DACT1: variants seen among roughly 807,000 people sequenced by gnomAD.
DACT1 encodes the protein dapper homolog 1.
DACT1 carries 19 observed loss-of-function variants against 35.3 expected under a neutral mutation model. The observed-to-expected ratio is 0.54, with a 90% CI of 0.38 to 0.79. The LOEUF is 0.79. DACT1 is among the 30% of genes least tolerant of loss of function. The pLI is 0.00. For synonymous variants in DACT1, 545 were observed against 466.7 expected (o/e 1.17, Z -2.16); for missense variants, 1,143 against 1,057.5 (o/e 1.08, Z -1.12).
At chr14:58,644,961 TATATC>T (rs1207287662) in intron 3 of DACT1, among the ~76,000 whole-genome samples, 3 of 152,220 alleles carry the variant, frequency 2.0e-5, no homozygotes, top group Non-Finnish European at 4.4e-5. Flanking sequence ...ATTCTAGTAT[TATATC>T]ATGATTTTCA....
At position 58,646,488 on chromosome 14, in the gene DACT1, A is replaced by T. The variant is rs753585599; in HGVS notation, c.1754A>T (p.Lys585Met). The T allele has an allele frequency of 1.9e-6, 3 of 1,563,060 alleles. No individual in the cohort carries two copies. In the South Asian group the frequency reaches 3.6e-5, roughly 19 times the overall value. The change falls in exon 4 of 4, where the codon AAG becomes ATG. Residue 585 changes from lysine to methionine, a missense_variant. Transcript: ENST00000395153. The stretch of plus-strand genomic sequence containing the variant: ...TTCCCAGATGACTTGGATACAAATA[A>T]GAAACTCAAGAAAGCCTCCTCCAAG... ...CRFPDDLDTN[K>M]KLKKASSKGR...
Position 58,640,785 on chromosome 14 carries a change from T to C in DACT1, c.395T>C (p.Leu132Pro), listed in dbSNP as rs2047619360. Reference sequence around the variant, plus strand: ...GGTTTGTTGAATCAGTTGCAAGAGCTTGACAAGCAGATAAGTGACCTGAGA... The same window carrying C: ...GGTTTGTTGAATCAGTTGCAAGAGCCTGACAAGCAGATAAGTGACCTGAGA... ...DAGLLNQLQE[L>P]DKQISDLRLD... Residue 132 changes from leucine (L) to proline (P), a missense_variant, in exon 2 of 4, where the codon CTT (leucine) becomes CCT (proline). By Grantham distance (98) the Leu-to-Pro change is moderately conservative. Around this residue, in one of 3 missense-constraint regions of DACT1, gnomAD observed 1,054 missense variants for 958.8 expected, o/e 1.10. Coordinates refer to ENST00000395153, the MANE Select transcript of DACT1 (RefSeq NM_001079520.2). 4 of 1,614,024 alleles carry C rather than the reference T, an allele frequency of 2.5e-6. 1 individual carries two copies. The highest frequency in any genetic ancestry group is 2.7e-5 in the African/African-American group (2 of 74,920).
upstream of DACT1, among the ~76,000 whole-genome samples, chr14:58,637,733 A>G (rs891395478): frequency 1.0e-4 from 15 of 150,254 alleles, no homozygotes; most frequent in Admixed American, 5.3e-4. Context: ...TAAACCCGAA[A>G]AGGGGGCGAG....
chr14:58,635,801 C>T (rs890360833), upstream of DACT1, among the ~76,000 whole-genome samples: 11 of 152,024 alleles, frequency 7.2e-5, 1 homozygote, highest in Admixed American at 6.6e-4. Context: ...CTCAACTATA[C>T]AAATATAGTT....
chr14:58,634,154 C>T (rs577695076), upstream of DACT1: 2 of 152,216 alleles, frequency 1.3e-5, no homozygotes, highest in Non-Finnish European at 2.9e-5. Context: ...TCAACAAAAA[C>T]CTCTTTAACA....
chr14:58,639,049 A>AG (rs1283476425), intron 1 of DACT1: 1 of 985,148 alleles, frequency 1.0e-6, no homozygotes, highest in Non-Finnish European at 1.2e-6. Flanking sequence ...GAGCGCCTGT[A>AG]GGGAGCCGTG....
At chr14:58,635,656 ATGAGCCAGC>A (rs1044367309), upstream of DACT1, among the ~76,000 whole-genome samples, 5 of 131,978 alleles carry the variant, frequency 3.8e-5, no homozygotes, top group African/African-American at 1.4e-4. Context: ...CTTTGGACTA[ATGAGCCAGC>A]TCAAAGTGGC....
chr14:58,646,706 C>T lies in DACT1; in HGVS notation c.1972C>T (p.Arg658Trp), dbSNP rs1566511246. The change falls in exon 4 of 4, where the codon CGG (arginine) becomes TGG (tryptophan). Residue 658 changes from arginine to tryptophan, a missense_variant. This residue lies in a region of DACT1 where 1,054 missense variants were observed against 958.8 expected (regional missense o/e 1.10). Transcript: ENST00000395153. Reference sequence around the variant, plus strand: ...CTACGAAGAGGCCCTGAGGAGGGCCCGGCGCGGTCGCCGGGAGAATGTGGG... The same window carrying T: ...CTACGAAGAGGCCCTGAGGAGGGCCTGGCGCGGTCGCCGGGAGAATGTGGG... The part of the protein sequence containing the change: ...ISYEEALRRA[R>W]RGRRENVGLY... The T allele has an allele frequency of 2.5e-6, 4 of 1,613,162 alleles. No individual in the cohort carries two copies. The highest frequency in any genetic ancestry group is 3.4e-6 in the Non-Finnish European group (4 of 1,179,918).
chr14:58,647,334 G>A lies in DACT1; in HGVS notation c.*200G>A. ...ATGGAAGGTAAAGAATGTTTTGCTA[G>A]TTAGAAGTACATATTGAGGTTTTAA... On this transcript the variant is annotated 3_prime_UTR_variant, in exon 4 of 4. Coordinates refer to ENST00000395153, the MANE Select transcript of DACT1 (RefSeq NM_001079520.2). The A allele has an allele frequency of 4.6e-6, 3 of 653,684 alleles. No individual in the cohort carries two copies. The South Asian group carries it at 6.5e-5, about 14-fold the overall frequency. 40.5% of individuals were successfully genotyped at this position (653,684 alleles called of 1,614,324 possible).
chr14:58,635,786 TC>T (rs1349013867), upstream of DACT1, among the ~76,000 whole-genome samples: 6 of 152,190 alleles, frequency 3.9e-5, no homozygotes, highest in East Asian at 9.7e-4. Context: ...CAGCTTTTTT[TC>T]CCCCTCAACT....
chr14:58,639,548 CTATTA>C (rs570599348), intron 1 of DACT1, among the ~76,000 whole-genome samples: 110 of 152,252 alleles, frequency 7.2e-4, no homozygotes, highest in African/African-American at 2.4e-3. Flanking sequence ...GTGTTTTCTT[CTATTA>C]TCTCTTTTCA....
At position 58,639,321 on chromosome 14, in the gene DACT1, T is replaced by C. The variant is rs180883501; in HGVS notation, c.345+774T>C. Reference sequence around the variant, plus strand: ...TCTCAGTCTTTCTATGCAGTCTTCATTAATGGGGAAGAAAAAGAACTTTGT... The same window carrying C: ...TCTCAGTCTTTCTATGCAGTCTTCACTAATGGGGAAGAAAAAGAACTTTGT... On this transcript the variant is annotated intron_variant, in intron 1 of 3. Transcript: ENST00000395153. The C allele has an allele frequency of 3.2e-6, 3 of 951,264 alleles. No homozygotes were observed. The Admixed American group carries it at 1.8e-4, about 59-fold the overall frequency. The allele number at this position is 951,264 out of a possible 1,614,324, so 58.9% of individuals were successfully genotyped here.
At chr14:58,634,469 C>T (rs551725748), upstream of DACT1, among the ~76,000 whole-genome samples, 2 of 152,292 alleles carry the variant, frequency 1.3e-5, no homozygotes, top group Non-Finnish European at 2.9e-5. Context: ...TGGGGTCAAG[C>T]TATAATTAGT....
Position 58,640,634 on chromosome 14 carries a change from T to G in DACT1, c.346-102T>G, listed in dbSNP as rs1421204403. Reference sequence around the variant, plus strand: ...CCAGTAAAATTTTGGTTTTCTAAGTTTAGTGAACTCTTCAGATGGGTAATT... The same window carrying G: ...CCAGTAAAATTTTGGTTTTCTAAGTGTAGTGAACTCTTCAGATGGGTAATT... On this transcript the variant is annotated intron_variant, in intron 1 of 3. Coordinates refer to ENST00000395153, the MANE Select transcript of DACT1 (RefSeq NM_001079520.2). 45 of 1,433,138 alleles carry G rather than the reference T, an allele frequency of 3.1e-5. No homozygotes were observed. In the Admixed American group the frequency reaches 1.0e-3, roughly 32 times the overall value. The allele number at this position is 1,433,138 out of a possible 1,614,324, so 88.8% of individuals were successfully genotyped here. A position where few individuals can be genotyped will look rare whatever the true frequency, so the allele number is the denominator to read the frequency against.
Position 58,641,602 on chromosome 14 carries a change from G to A in DACT1, c.489G>A (p.Glu163=). 1 of 1,613,668 alleles carries A rather than the reference G, an allele frequency of 6.2e-7. No individual in the cohort carries two copies. The highest frequency in any genetic ancestry group is 8.5e-7 in the Non-Finnish European group (1 of 1,179,848). ...TGTTTTTATTTGTAGGGTTTTATGAGCTGAGTGATGGGGCTTCAGGATCCC... is the reference window on the plus strand; with the variant it reads ...TGTTTTTATTTGTAGGGTTTTATGAACTGAGTGATGGGGCTTCAGGATCCC... The part of the protein sequence containing the change: ...TDSRPSSGFY[E]LSDGASGSLS... The change falls in exon 3 of 4, where the codon GAG becomes GAA. Residue 163 remains glutamate (E), a synonymous_variant. Coordinates refer to ENST00000395153, the MANE Select transcript of DACT1 (RefSeq NM_001079520.2).
At chr14:58,641,853 A>G in intron 3 of DACT1, 106 bp downstream of exon 3, 1 of 1,143,704 alleles carries the variant, frequency 8.7e-7, no homozygotes, top group Non-Finnish European at 1.2e-6. Context: ...ATGAAGGTTC[A>G]TCACTTTGCG....
upstream of DACT1, among the ~76,000 whole-genome samples, chr14:58,636,214 G>A (rs2047571505): frequency 6.6e-6 from 1 of 152,142 alleles, no homozygotes; most frequent in Non-Finnish European, 1.5e-5. Flanking sequence ...GGTGGCAAGG[G>A]AGTTCTTTTG....
rs775528228 is a variant in DACT1, at chr14:58,646,731, G to A, written c.1997G>A (p.Gly666Glu). The A allele has an allele frequency of 2.7e-5, 43 of 1,613,570 alleles. No homozygotes were observed. The highest frequency in any genetic ancestry group is 2.3e-4 in the Admixed American group (14 of 59,992). ...CGGCGCGGTCGCCGGGAGAATGTGGGGCTGTACCCCGCGCCTGTGCCTCTG... is the reference window on the plus strand; with the variant it reads ...CGGCGCGGTCGCCGGGAGAATGTGGAGCTGTACCCCGCGCCTGTGCCTCTG... The part of the protein sequence containing the change: ...RARRGRRENV[G>E]LYPAPVPLPY... Residue 666 changes from glycine (G) to glutamate (E), a missense_variant, in exon 4 of 4, where the codon GGG becomes GAG. Physicochemically the swap from Gly to Glu is moderately conservative, Grantham distance 98. Transcript: ENST00000395153.
At position 58,645,820 on chromosome 14, in the gene DACT1, T is replaced by C; in HGVS notation, c.1086T>C (p.Cys362=). 6.2e-7 allele frequency: 1 copy of C among 1,614,236 alleles called. No homozygotes were observed. Among genetic ancestry groups the C allele is most frequent in the Non-Finnish European group, 8.5e-7 (1 of 1,180,040 alleles). Residue 362 remains cysteine (C), a synonymous_variant, in exon 4 of 4, where the codon TGT becomes TGC. Coordinates refer to ENST00000395153, the MANE Select transcript of DACT1 (RefSeq NM_001079520.2). ...SVNLKNSKQA[C]LPSGGIPSLN... ...ACCTTAAGAATTCGAAACAGGCGTG[T>C]CTGCCCTCTGGCGGGATACCTTCTC...
Sources: allele counts gnomAD v4.1 joint callset (sites outside exome capture counted in the v4.1 genomes callset), GRCh38; gene constraint gnomAD v4.1.1; regional missense constraint gnomAD v4.1.1; transcripts MANE v1.5; gene names NCBI Gene and HGNC (gene_info 2026-07-23, HGNC 2026-07-21).